The following CLSTN2 variants were observed in gnomAD, a reference collection of about 807,000 sequenced individuals.
CLSTN2 encodes the protein calsyntenin 2.
Under a neutral mutation model 101.2 loss-of-function variants are expected in CLSTN2, and 48 were observed. The ratio of observed to expected loss-of-function variants is 0.47; its 90% confidence interval spans 0.38 to 0.60. The LOEUF (loss-of-function observed/expected upper bound fraction) is 0.60, where lower values mean the gene tolerates loss of function less well. Among genes scored for constraint, CLSTN2 ranks in the 20% least tolerant of loss-of-function variants. The pLI is 0.00. For missense variants in CLSTN2, 1,160 were observed against 1,238.2 expected (o/e 0.94, Z 0.95); for synonymous variants, 481 against 463.6 (o/e 1.04, Z -0.48).
intron 1 of CLSTN2, among the ~76,000 whole-genome samples, chr3:140,014,317 C>T (rs757324211): frequency 9.2e-5 from 14 of 152,072 alleles, no homozygotes; most frequent in Non-Finnish European, 1.5e-4. Context: ...CTCTACCTCC[C>T]GGGTTCAAGT....
chr3:140,448,301 C>A (rs1933145228), intron 5 of CLSTN2, among the ~76,000 whole-genome samples: 1 of 151,972 alleles, frequency 6.6e-6, no homozygotes, highest in Non-Finnish European at 1.5e-5. Context: ...TGGCTCAGTG[C>A]AGCTGGGTGC....
chr3:140,373,510 G>C (rs2087882184), intron 2 of CLSTN2, among the ~76,000 whole-genome samples: 1 of 152,202 alleles, frequency 6.6e-6, no homozygotes, highest in Admixed American at 6.5e-5. Flanking sequence ...TATTGAGCAG[G>C]AAAATCAGAG....
At position 140,102,067 on chromosome 3, in the gene CLSTN2, G is replaced by A. The variant is rs1016045519; in HGVS notation, c.110-73884G>A. Among the ~76,000 whole-genome samples, 3 of 152,166 alleles carry A rather than the reference G, an allele frequency of 2.0e-5. No homozygotes were observed. In the South Asian group the frequency reaches 6.2e-4, roughly 31 times the overall value. On this transcript the variant is annotated intron_variant, in intron 1 of 16. Coordinates refer to ENST00000458420, the MANE Select transcript of CLSTN2 (RefSeq NM_022131.3). ...TTAGTTCAAATTCTTGATGAAAGAG[G>A]CCATTTTCTAGGTCCTAATTTCAAG...
At chr3:140,032,275 A>ATTTTTTTTTTTTTTTTTT (rs2007569791) in intron 1 of CLSTN2, among the ~76,000 whole-genome samples, 1 of 140,566 alleles carries the variant, frequency 7.1e-6, no homozygotes. Flanking sequence ...ATGTATTCTT[A>ATTTTTTTTTTTTTTTTTT]TTCTCCTGCT....
At chr3:140,416,408 A>G (rs1486530988) in intron 4 of CLSTN2, among the ~76,000 whole-genome samples, 1 of 152,152 alleles carries the variant, frequency 6.6e-6, no homozygotes, top group Non-Finnish European at 1.5e-5. Context: ...AAAGGTAACT[A>G]TGTGACATGA....
At chr3:140,439,412 C>A (rs1277325415) in intron 5 of CLSTN2, among the ~76,000 whole-genome samples, 5 of 152,192 alleles carry the variant, frequency 3.3e-5, no homozygotes, top group African/African-American at 1.2e-4. Flanking sequence ...CTGAGGTCTG[C>A]CAGATAGATG....
chr3:140,546,441 T>C, intron 9 of CLSTN2, 74 bp from the exon 10 acceptor site: 3 of 1,491,920 alleles, frequency 2.0e-6, no homozygotes, highest in Non-Finnish European at 2.7e-6. Context: ...TTTGGCTGCA[T>C]GGCCAAGTGG....
chr3:140,369,681 C>T (rs372974068), intron 2 of CLSTN2, among the ~76,000 whole-genome samples: 19 of 152,304 alleles, frequency 1.2e-4, no homozygotes, highest in African/African-American at 4.1e-4. Flanking sequence ...ACATGCTGCT[C>T]CTGTGGCCAC....
intron 1 of CLSTN2, among the ~76,000 whole-genome samples, chr3:140,059,319 G>A (rs1340198433): frequency 6.6e-6 from 1 of 152,244 alleles, no homozygotes; most frequent in East Asian, 1.9e-4. Flanking sequence ...AGGGCTTTGT[G>A]TTGTGTGCAC....
At chr3:140,526,736 A>C (rs1452581931) in intron 8 of CLSTN2, among the ~76,000 whole-genome samples, 1 of 152,178 alleles carries the variant, frequency 6.6e-6, no homozygotes, top group African/African-American at 2.4e-5. Flanking sequence ...ACAAAGACAG[A>C]CACATAGACC....
intron 1 of CLSTN2, among the ~76,000 whole-genome samples, chr3:140,037,725 G>A (rs1382449040): frequency 6.6e-6 from 1 of 152,032 alleles, no homozygotes; most frequent in African/African-American, 2.4e-5. Context: ...TGGCCTCAAT[G>A]TGTGTTGTTC....
At chr3:140,453,350 C>A (rs942846331) in intron 6 of CLSTN2, 1 of 152,136 alleles carries the variant, frequency 6.6e-6, no homozygotes, top group Non-Finnish European at 1.5e-5. Flanking sequence ...CAGAGCAGTG[C>A]GCCTGACCAG....
intron 1 of CLSTN2, among the ~76,000 whole-genome samples, chr3:140,173,056 A>T (rs1219779849): frequency 6.6e-6 from 1 of 152,238 alleles, no homozygotes; most frequent in African/African-American, 2.4e-5. Flanking sequence ...TCATTTTAGC[A>T]TTAATCAAAA....
At chr3:140,556,424 T>A in intron 10 of CLSTN2, 89 bp from the exon 11 acceptor site, 1 of 1,296,070 alleles carries the variant, frequency 7.7e-7, no homozygotes, top group Non-Finnish European at 1.1e-6. Flanking sequence ...ATGGTGACCC[T>A]TGGTGCCCTG....
At chr3:140,006,073 A>G (rs1275388736) in intron 1 of CLSTN2, among the ~76,000 whole-genome samples, 2 of 152,232 alleles carry the variant, frequency 1.3e-5, no homozygotes, top group Non-Finnish European at 2.9e-5. Context: ...GATATTCAAT[A>G]TAATATACAT....
intron 1 of CLSTN2, among the ~76,000 whole-genome samples, chr3:140,022,076 A>C (rs2007329897): frequency 6.6e-6 from 1 of 152,196 alleles, no homozygotes; most frequent in South Asian, 2.1e-4. Flanking sequence ...TGGGTCCTCC[A>C]GTGTGGAGGA....
intron 1 of CLSTN2, among the ~76,000 whole-genome samples, chr3:140,151,214 G>A (rs2009859734): frequency 6.6e-6 from 1 of 152,134 alleles, no homozygotes; most frequent in Admixed American, 6.5e-5. Context: ...TTGCTTTTGA[G>A]CTTCTGCACA....
chr3:140,399,524 C>T (rs1230100823), intron 2 of CLSTN2, among the ~76,000 whole-genome samples: 2 of 152,164 alleles, frequency 1.3e-5, no homozygotes, highest in East Asian at 1.9e-4. Context: ...TTGAATTTTA[C>T]CTTTTCTATT....
At chr3:140,220,446 G>A (rs974713220) in intron 2 of CLSTN2, among the ~76,000 whole-genome samples, 1 of 152,206 alleles carries the variant, frequency 6.6e-6, no homozygotes, top group Non-Finnish European at 1.5e-5. Flanking sequence ...CCCATGGTTA[G>A]TTTATAGTTT....
Sources: allele counts gnomAD v4.1 joint callset (sites outside exome capture counted in the v4.1 genomes callset), GRCh38; gene constraint gnomAD v4.1.1; transcripts MANE v1.5; gene names NCBI Gene and HGNC (gene_info 2026-07-23, HGNC 2026-07-21).